KIFAP3: variants seen among roughly 807,000 people sequenced by gnomAD.
The protein encoded by KIFAP3 is kinesin associated protein 3, also known as kinesin-associated protein 3.
KIFAP3 carries 68 observed loss-of-function variants against 106.5 expected under a neutral mutation model. The observed-to-expected ratio is 0.64, with a 90% CI of 0.53 to 0.78. The LOEUF is 0.78. KIFAP3 is among the 30% of genes least tolerant of loss of function. KIFAP3 has a pLI of 0.00. For missense variants in KIFAP3, 780 were observed against 941.8 expected (o/e 0.83, Z 2.25); for synonymous variants, 320 against 311.5 (o/e 1.03, Z -0.29).
intron 5 of KIFAP3, among the ~76,000 whole-genome samples, chr1:170,035,918 T>A (rs1669668178): frequency 6.6e-6 from 1 of 151,980 alleles, no homozygotes; most frequent in African/African-American, 2.4e-5. Flanking sequence ...CTTTTTAACA[T>A]CTGATTTAAT....
chr1:170,030,240 T>A (rs1669331416), intron 8 of KIFAP3, among the ~76,000 whole-genome samples: 1 of 151,852 alleles, frequency 6.6e-6, no homozygotes, highest in Non-Finnish European at 1.5e-5. Context: ...GATACAAAAC[T>A]ATCCAATTTA....
At chr1:170,041,989 T>C (rs1670004736) in intron 3 of KIFAP3, 1 of 577,866 alleles carries the variant, frequency 1.7e-6, no homozygotes, top group Non-Finnish European at 2.6e-6. Context: ...TGTCTGTTCT[T>C]ATCTTGTCCT....
chr1:169,931,199 C>T (rs144752555), intron 19 of KIFAP3, among the ~76,000 whole-genome samples: 222 of 152,146 alleles, frequency 1.5e-3, no homozygotes, highest in African/African-American at 5.1e-3. Flanking sequence ...AGATTACAGG[C>T]GTAAGCCACC....
chr1:170,003,401 T>C (rs1421614569), intron 10 of KIFAP3, among the ~76,000 whole-genome samples: 1 of 152,156 alleles, frequency 6.6e-6, no homozygotes, highest in Non-Finnish European at 1.5e-5. Flanking sequence ...AAACCCTCTA[T>C]AACAAATCCT....
At chr1:169,990,431 T>C (rs1000220920) in intron 11 of KIFAP3, among the ~76,000 whole-genome samples, 1 of 151,738 alleles carries the variant, frequency 6.6e-6, no homozygotes, top group African/African-American at 2.4e-5. Context: ...TATGCAAAGA[T>C]AGCATTGGAA....
chr1:169,933,583 C>T (rs1363819922), intron 19 of KIFAP3, among the ~76,000 whole-genome samples: 1 of 152,016 alleles, frequency 6.6e-6, no homozygotes, highest in Non-Finnish European at 1.5e-5. Context: ...TTTGCATTGA[C>T]ATAAACAAAT....
chr1:169,922,642 G>C (rs963974799), intron 19 of KIFAP3, among the ~76,000 whole-genome samples: 1 of 152,188 alleles, frequency 6.6e-6, no homozygotes, highest in Non-Finnish European at 1.5e-5. Context: ...AAATGATAAA[G>C]TATTTATTTT....
chr1:169,957,383 G>C (rs1665076578), intron 18 of KIFAP3, among the ~76,000 whole-genome samples: 2 of 152,072 alleles, frequency 1.3e-5, no homozygotes, highest in African/African-American at 2.4e-5. Context: ...ACACCTTTCT[G>C]AGATGCCCCA....
In KIFAP3 at chr1:169,981,116, A is replaced by AAAAC. The variant is rs576938649; in HGVS notation, c.1798+852_1798+855dup. ...AACTATGTCTCAAAAAGTCAAAACAAAAACAAACAAACAAACAAAAAGAAG... is the reference window on the plus strand; with the variant it reads ...AACTATGTCTCAAAAAGTCAAAACAAAAACAAACAAACAAACAAACAAAAAGAAG... On this transcript the variant is annotated intron_variant, in intron 15 of 19. Transcript: ENST00000361580. Among the ~76,000 whole-genome samples, 29 of 152,288 alleles carry AAAAC rather than the reference A, an allele frequency of 1.9e-4. No homozygotes were observed. In the South Asian group the frequency reaches 5.4e-3, roughly 28 times the overall value.
chr1:169,958,825 CATTA>C (rs1665169759), intron 18 of KIFAP3, among the ~76,000 whole-genome samples: 1 of 152,036 alleles, frequency 6.6e-6, no homozygotes, highest in Non-Finnish European at 1.5e-5. Flanking sequence ...TAGCAAAGGA[CATTA>C]ATTAATGACT....
rs549082103 is a variant in KIFAP3 at position 169,945,154 on chromosome 1, G to C, written c.2273+8857C>G. Among the ~76,000 whole-genome samples, 228 of 152,254 alleles carry C rather than the reference G, an allele frequency of 1.5e-3. 5 individuals are homozygous for C. The East Asian group carries it at 0.021, about 14-fold the overall frequency. On this transcript the variant is annotated intron_variant, in intron 19 of 19. Coordinates refer to ENST00000361580, the MANE Select transcript of KIFAP3 (RefSeq NM_014970.4). ...GCTGAGGCAGTGGGGGGCGGGGGGGGGCTGGTGTGTCAGTACCGCCCCAAG... is the reference window on the plus strand; with the variant it reads ...GCTGAGGCAGTGGGGGGCGGGGGGGCGCTGGTGTGTCAGTACCGCCCCAAG...
rs16862967 is a variant in KIFAP3 at position 170,031,199 on chromosome 1, T to G, written c.841+687A>C. On this transcript the variant is annotated intron_variant, in intron 8 of 19. Coordinates refer to ENST00000361580, the MANE Select transcript of KIFAP3 (RefSeq NM_014970.4). ...AAAATCTGACATTTTCTCCAACAGGTTGAACTAAATTACTTGGCTTCAAAT... is the reference window on the plus strand; with the variant it reads ...AAAATCTGACATTTTCTCCAACAGGGTGAACTAAATTACTTGGCTTCAAAT... Among the ~76,000 whole-genome samples the G allele has an allele frequency of 8.5e-3, 1,290 of 151,848 alleles. 23 individuals carry two copies. The highest frequency in any genetic ancestry group is 0.028 in the African/African-American group (1,173 of 41,540).
At chr1:169,937,797 C>A (rs898000317) in intron 19 of KIFAP3, among the ~76,000 whole-genome samples, 5 of 151,768 alleles carry the variant, frequency 3.3e-5, no homozygotes, top group African/African-American at 1.2e-4. Context: ...AATACAAATA[C>A]TCCCTGATGT....
chr1:170,001,176 C>T lies in KIFAP3; in HGVS notation c.1184-8921G>A, dbSNP rs1203022665. Among the ~76,000 whole-genome samples the T allele has an allele frequency of 3.3e-5, 5 of 152,134 alleles. No individual in the cohort carries two copies. In the East Asian group the frequency reaches 9.6e-4, roughly 29 times the overall value. Reference sequence around the variant, plus strand: ...GAATTTTTATTACATCCATAGAATACAAGTTATTTGCAATAAGATCTAAAG... The same window carrying T: ...GAATTTTTATTACATCCATAGAATATAAGTTATTTGCAATAAGATCTAAAG... On this transcript the variant is annotated intron_variant, in intron 10 of 19. Transcript: ENST00000361580.
intron 15 of KIFAP3, 103 bp from the exon 16 acceptor site, chr1:169,978,286 A>C (rs1004686875): frequency 5.7e-6 from 4 of 697,368 alleles, no homozygotes; most frequent in South Asian, 1.8e-5. Context: ...AAAAGTGATA[A>C]GGAGACAAGC....
intron 19 of KIFAP3, among the ~76,000 whole-genome samples, chr1:169,944,280 T>C (rs1008394610): frequency 6.6e-6 from 1 of 152,334 alleles, no homozygotes; most frequent in South Asian, 2.1e-4. Context: ...CTCCAGGCAC[T>C]GGTACAGGTG....
intron 19 of KIFAP3, among the ~76,000 whole-genome samples, chr1:169,946,211 T>G (rs1346702856): frequency 4.0e-5 from 6 of 151,596 alleles, no homozygotes; most frequent in Non-Finnish European, 7.4e-5. Context: ...TTCATTCCCA[T>G]TTTTTATACA....
chr1:170,031,468 A>G (rs772008377), intron 8 of KIFAP3, among the ~76,000 whole-genome samples: 5 of 151,718 alleles, frequency 3.3e-5, no homozygotes, highest in Non-Finnish European at 5.9e-5. Context: ...GAAGTTTTAA[A>G]TATCTTAATA....
chr1:169,946,978 T>A (rs918413635), intron 19 of KIFAP3, among the ~76,000 whole-genome samples: 4 of 151,966 alleles, frequency 2.6e-5, no homozygotes, highest in Non-Finnish European at 5.9e-5. Context: ...GACATAGCTA[T>A]TGCACTCTTG....
Sources: gnomAD v4.1 joint callset for allele counts (sites outside exome capture counted in the v4.1 genomes callset) on GRCh38, gnomAD v4.1.1 for gene constraint, MANE v1.5 for transcripts, NCBI Gene and HGNC (gene_info 2026-07-23, HGNC 2026-07-21) for gene names.